KANK1: variants seen among roughly 807,000 people sequenced by gnomAD.
KANK1 encodes KN motif and ankyrin repeat domains 1, also known as KN motif and ankyrin repeat domain-containing protein 1.
In KANK1, 109 loss-of-function variants were observed where a neutral mutation model predicts 106.2. The observed-to-expected ratio is 1.03, with a 90% CI of 0.88 to 1.20. The LOEUF (loss-of-function observed/expected upper bound fraction) is 1.20. Ranked by LOEUF, KANK1 falls within the 50% of genes most tolerant of loss-of-function variation. The pLI, the probability that KANK1 is intolerant of heterozygous loss-of-function variation, is 0.00. For synonymous variants in KANK1, 873 were observed against 652.2 expected (o/e 1.34, Z -5.16); for missense variants, 2,399 against 1,710.7 (o/e 1.40, Z -7.10).
In KANK1 at chr9:711,211, A is replaced by C; in HGVS notation, c.445A>C (p.Lys149Gln). 6.2e-7 allele frequency: 1 copy of C among 1,614,052 alleles called. No homozygotes were observed. The highest frequency in any genetic ancestry group is 8.5e-7 in the Non-Finnish European group (1 of 1,180,018). The change falls in exon 3 of 12, where the codon AAG (lysine) becomes CAG (glutamine). Residue 149 changes from lysine (K) to glutamine (Q), a missense_variant. Lys to Gln is a moderately conservative substitution (Grantham distance 53). Coordinates refer to ENST00000382297, the MANE Select transcript of KANK1 (RefSeq NM_015158.5). ...GCCACCTCCCTCACCACAACTCCCA[A>C]AGCATAACCTTCATGTCACCAAGAC... ...QLPPPSPQLPKHNLHVTKTLM... is the reference protein window; with the variant it reads ...QLPPPSPQLPQHNLHVTKTLM...
chr9:498,914 A>G (rs565501766), intron 3 of KANK1, among the ~76,000 whole-genome samples: 11 of 152,338 alleles, frequency 7.2e-5, no homozygotes, highest in Admixed American at 7.2e-4. Context: ...GAGGTGGCTC[A>G]CGCCTTTAAT....
chr9:475,946 G>A (rs1405694626), intron 3 of KANK1, among the ~76,000 whole-genome samples: 1 of 151,798 alleles, frequency 6.6e-6, no homozygotes, highest in East Asian at 2.0e-4. Context: ...TCTGCCTCCT[G>A]GGTTCAAGCC....
chr9:697,844 T>C (rs1338744116), intron 2 of KANK1, among the ~76,000 whole-genome samples: 1 of 152,168 alleles, frequency 6.6e-6, no homozygotes, highest in Non-Finnish European at 1.5e-5. Context: ...AAATAGCCAA[T>C]CTGATGTGTG....
At chr9:472,483 G>A (rs2058039251) in intron 2 of KANK1, among the ~76,000 whole-genome samples, 1 of 152,196 alleles carries the variant, frequency 6.6e-6, no homozygotes, top group South Asian at 2.1e-4. Flanking sequence ...CTGAAAGTAG[G>A]AAATGGAGGT....
intron 3 of KANK1, chr9:487,687 T>C (rs894204101): frequency 6.6e-6 from 1 of 152,200 alleles, no homozygotes; most frequent in Admixed American, 6.5e-5. Flanking sequence ...GAAGCTGCCC[T>C]ATTGGGAGGG....
chr9:520,509 A>G (rs1054399016), intron 1 of KANK1, among the ~76,000 whole-genome samples: 10 of 151,702 alleles, frequency 6.6e-5, no homozygotes, highest in Admixed American at 1.3e-4. Flanking sequence ...TGGAGATGCT[A>G]TAAGTCACGT....
chr9:472,606 G>C (rs1426891751), intron 2 of KANK1, among the ~76,000 whole-genome samples: 1 of 152,172 alleles, frequency 6.6e-6, no homozygotes, highest in African/African-American at 2.4e-5. Context: ...TTCTAGCCTT[G>C]GTCTTAAGCC....
At chr9:685,690 A>G (rs1258110560) in intron 2 of KANK1, 1 of 152,146 alleles carries the variant, frequency 6.6e-6, no homozygotes, top group African/African-American at 2.4e-5. Flanking sequence ...TACTGAGTTT[A>G]TTTTAGTTCC....
At chr9:615,808 C>G (rs1831677097) in intron 1 of KANK1, among the ~76,000 whole-genome samples, 1 of 152,180 alleles carries the variant, frequency 6.6e-6, no homozygotes, top group Admixed American at 6.5e-5. Context: ...TGATACCTAA[C>G]CTAGCTAAAG....
intron 3 of KANK1, among the ~76,000 whole-genome samples, chr9:727,680 A>ATGTGTG (rs55997819): frequency 0.012 from 1,685 of 139,756 alleles, 27 homozygotes; most frequent in African/African-American, 0.028. Context: ...ATAACTTTTC[A>ATGTGTG]TGTGTGTGTG....
At chr9:626,731 T>G (rs1356132995) in intron 1 of KANK1, among the ~76,000 whole-genome samples, 3 of 152,186 alleles carry the variant, frequency 2.0e-5, no homozygotes, top group African/African-American at 7.2e-5. Flanking sequence ...ACAGAATATA[T>G]TTGTGCTTAA....
intron 1 of KANK1, among the ~76,000 whole-genome samples, chr9:523,639 G>T (rs1243289992): frequency 6.6e-6 from 1 of 151,626 alleles, no homozygotes; most frequent in African/African-American, 2.4e-5. Context: ...CTCTTCCACA[G>T]GTGTCCCTTT....
intron 2 of KANK1, among the ~76,000 whole-genome samples, chr9:697,076 C>CTG (rs3028272): frequency 0.017 from 2,638 of 151,066 alleles, 72 homozygotes; most frequent in African/African-American, 0.054. Context: ...TTTGTTCCAT[C>CTG]TGTGTGTGTG....
Position 507,447 on chromosome 9 carries a change from T to C in KANK1, c.-84+2693T>C, listed in dbSNP as rs116213581. ...TCTTGTCAGCCAGGCTACAGTGCAA[T>C]GTCACAGTATCAGCTCACTGCAACC... On this transcript the variant is annotated intron_variant, in intron 1 of 11. Coordinates refer to ENST00000382297, the MANE Select transcript of KANK1 (RefSeq NM_015158.5). Among the ~76,000 whole-genome samples the C allele has an allele frequency of 3.3e-3, 506 of 152,256 alleles. 5 individuals carry two copies. The highest frequency in any genetic ancestry group is 0.012 in the African/African-American group (486 of 41,556).
chr9:719,415 T>C (rs1187039357), intron 3 of KANK1, among the ~76,000 whole-genome samples: 2 of 152,328 alleles, frequency 1.3e-5, no homozygotes, highest in Non-Finnish European at 2.9e-5. Context: ...AGTTTAGATG[T>C]TCTTTAAAAA....
At chr9:516,779 C>G (rs1469952301) in intron 1 of KANK1, among the ~76,000 whole-genome samples, 1 of 151,626 alleles carries the variant, frequency 6.6e-6, no homozygotes, top group Non-Finnish European at 1.5e-5. Flanking sequence ...CATACTAAGG[C>G]TGTCAGATCT....
intron 3 of KANK1, among the ~76,000 whole-genome samples, chr9:495,985 A>ACACAC (rs2058454242): frequency 6.6e-6 from 1 of 152,076 alleles, no homozygotes; most frequent in African/African-American, 2.4e-5. Flanking sequence ...ACACACACAC[A>ACACAC]CACACCACAA....
chr9:691,906 C>G (rs1019579556), intron 2 of KANK1, among the ~76,000 whole-genome samples: 4 of 151,790 alleles, frequency 2.6e-5, no homozygotes, highest in African/African-American at 7.3e-5. Context: ...CATGAGCCAC[C>G]ATGCCCCCCA....
intron 3 of KANK1, among the ~76,000 whole-genome samples, chr9:481,080 A>G (rs2058195835): frequency 6.6e-6 from 1 of 152,248 alleles, no homozygotes; most frequent in East Asian, 1.9e-4. Context: ...ATTGGGCTAC[A>G]TCATCTGACA....
Sources: gnomAD v4.1 joint callset for allele counts (sites outside exome capture counted in the v4.1 genomes callset) on GRCh38, gnomAD v4.1.1 for gene constraint, MANE v1.5 for transcripts, NCBI Gene and HGNC (gene_info 2026-07-23, HGNC 2026-07-21) for gene names.